The following ITGB3BP variants were observed in gnomAD, a reference collection of about 807,000 sequenced individuals.
The protein encoded by ITGB3BP is centromere protein R.
In ITGB3BP, 27 loss-of-function variants were observed where a neutral mutation model predicts 29.1. The ratio of observed to expected loss-of-function variants is 0.93; its 90% CI spans 0.68 to 1.28. ITGB3BP has a LOEUF of 1.28. Among genes scored for constraint, ITGB3BP ranks in the 50% most tolerant of loss-of-function variants. The probability of loss-of-function intolerance (pLI) is 0.00; values close to 1 mark genes in which losing one functional copy is unlikely to be tolerated. For synonymous variants in ITGB3BP, 61 were observed against 61.4 expected (o/e 0.99, Z 0.03); for missense variants, 192 against 200.2 (o/e 0.96, Z 0.25).
intron 1 of ITGB3BP, among the ~76,000 whole-genome samples, chr1:63,515,387 T>A (rs919299979): frequency 6.6e-6 from 1 of 152,190 alleles, no homozygotes; most frequent in African/African-American, 2.4e-5. Context: ...CAACACTTTA[T>A]GCCATGTCTA....
At chr1:63,525,608 C>G (rs746562030), upstream of ITGB3BP, 5 of 1,573,280 alleles carry the variant, frequency 3.2e-6, no homozygotes, top group South Asian at 4.8e-5. Context: ...CAACTTTCTC[C>G]AGTCAGAAAT....
intron 4 of ITGB3BP, among the ~76,000 whole-genome samples, chr1:63,475,889 T>C (rs942634317): frequency 1.3e-5 from 2 of 149,566 alleles, no homozygotes; most frequent in Non-Finnish European, 3.0e-5. Flanking sequence ...TCCCAGCTAC[T>C]AGGGAGGCTG....
chr1:63,467,911 A>G (rs1461300368), intron 4 of ITGB3BP, among the ~76,000 whole-genome samples: 1 of 152,210 alleles, frequency 6.6e-6, no homozygotes, highest in Non-Finnish European at 1.5e-5. Flanking sequence ...CTGAAGGTAA[A>G]CATATTTATC....
intron 4 of ITGB3BP, among the ~76,000 whole-genome samples, chr1:63,473,427 T>C (rs1362872543): frequency 2.3e-5 from 3 of 132,362 alleles, no homozygotes; most frequent in Admixed American, 7.2e-5. Flanking sequence ...TACTGGGAAG[T>C]GAGGAGCCCC....
intron 3 of ITGB3BP, among the ~76,000 whole-genome samples, chr1:63,480,027 G>T (rs985183425): frequency 6.6e-6 from 1 of 151,974 alleles, no homozygotes; most frequent in Non-Finnish European, 1.5e-5. Context: ...ATCTTTAAAT[G>T]CATATTTATT....
intron 2 of ITGB3BP, among the ~76,000 whole-genome samples, chr1:63,500,968 CA>C (rs375661421): frequency 2.3e-3 from 354 of 152,228 alleles, no homozygotes; most frequent in African/African-American, 8.2e-3. Flanking sequence ...TATAGATAGA[CA>C]AATGGAATTT....
At chr1:63,442,751 GAA>G (rs2100459426) in intron 8 of ITGB3BP, 1 of 152,268 alleles carries the variant, frequency 6.6e-6, no homozygotes, top group Admixed American at 6.5e-5. Flanking sequence ...CCAGAACTTA[GAA>G]GAGTCTGAAC....
intron 4 of ITGB3BP, among the ~76,000 whole-genome samples, chr1:63,467,929 A>G (rs1035989009): frequency 6.6e-6 from 1 of 152,174 alleles, no homozygotes; most frequent in Non-Finnish European, 1.5e-5. Flanking sequence ...ATCTTTTAAG[A>G]CAAAAAGGGG....
chr1:63,526,787 C>T (rs11807611), upstream of ITGB3BP, among the ~76,000 whole-genome samples: 3,261 of 150,742 alleles, frequency 0.022, 120 homozygotes, highest in African/African-American at 0.075. Context: ...TTTTTTGAGA[C>T]GGAGTCTTGC....
chr1:63,446,875 G>GT lies in ITGB3BP; in HGVS notation c.485-20dup, dbSNP rs769713133. 22,688 of 1,270,752 alleles carry GT rather than the reference G, an allele frequency of 0.018. No homozygotes were observed. The highest frequency in any genetic ancestry group is 0.02 in the Non-Finnish European group (18,835 of 922,254). 78.7% of individuals were successfully genotyped at this position (1,270,752 alleles called of 1,614,324 possible). A position where few individuals can be genotyped will look rare whatever the true frequency, so the allele number is the denominator to read the frequency against. ...CGTGATGCTATATGAAAGAAGAAAG[G>GT]TTTTTTTTTTCAGAAAACAATTCAA... On this transcript the variant is annotated intron_variant, in intron 7 of 8. Transcript: ENST00000271002.
intron 2 of ITGB3BP, among the ~76,000 whole-genome samples, chr1:63,498,514 A>G (rs1350167799): frequency 1.3e-5 from 2 of 152,076 alleles, no homozygotes; most frequent in Non-Finnish European, 2.9e-5. Context: ...ATTAAGAACA[A>G]AACGCAACAA....
chr1:63,447,747 C>G, intron 7 of ITGB3BP: 2 of 406,488 alleles, frequency 4.9e-6, no homozygotes, highest in Non-Finnish European at 9.9e-6. Flanking sequence ...TAAACTAGTT[C>G]AACCATTGTG....
intron 8 of ITGB3BP, among the ~76,000 whole-genome samples, chr1:63,445,769 A>AT (rs1203913666): frequency 2.0e-5 from 3 of 150,986 alleles, no homozygotes; most frequent in African/African-American, 7.3e-5. Flanking sequence ...TTATTTTTCT[A>AT]TTTTTTTGTA....
At chr1:63,506,562 A>G (rs963509012) in intron 2 of ITGB3BP, among the ~76,000 whole-genome samples, 6 of 152,182 alleles carry the variant, frequency 3.9e-5, no homozygotes, top group Non-Finnish European at 8.8e-5. Context: ...GGGTGAGGAC[A>G]CAGGAAACCA....
chr1:63,469,065 T>G (rs1168321879), intron 4 of ITGB3BP, among the ~76,000 whole-genome samples: 1 of 150,018 alleles, frequency 6.7e-6, no homozygotes, highest in Non-Finnish European at 1.5e-5. Flanking sequence ...AAAAAAAGTC[T>G]GCCCAACATA....
Position 63,469,016 on chromosome 1 carries a change from A to G in ITGB3BP, c.254+9748T>C, listed in dbSNP as rs1487949512. On this transcript the variant is annotated intron_variant, in intron 4 of 8. Coordinates refer to ENST00000271002, the MANE Select transcript of ITGB3BP (RefSeq NM_014288.5). ...CAGTGAACCAAGATTGTGCCAGTGC[A>G]ATCCAGCCTGGCAACAGAGTGAGAC... 2.0e-5 allele frequency among the ~76,000 whole-genome samples: 3 copies of G among 150,690 alleles called. No homozygotes were observed. The Admixed American group carries it at 2.0e-4, about 10-fold the overall frequency.
intron 4 of ITGB3BP, among the ~76,000 whole-genome samples, chr1:63,463,954 TA>T (rs1325229970): frequency 2.0e-5 from 3 of 151,848 alleles, no homozygotes; most frequent in South Asian, 2.1e-4. Flanking sequence ...CTTATCTGTA[TA>T]AAAAAATAAG....
intron 8 of ITGB3BP, among the ~76,000 whole-genome samples, chr1:63,444,467 G>GATATATATATCCT (rs1229522281): frequency 2.0e-4 from 2 of 10,024 alleles, no homozygotes; most frequent in Non-Finnish European, 2.9e-4. Context: ...TTACATATAG[G>GATATATATATCCT]ATATATATAT....
At chr1:63,452,064 C>T (rs1430008628) in intron 7 of ITGB3BP, 5 of 151,760 alleles carry the variant, frequency 3.3e-5, no homozygotes, top group African/African-American at 1.2e-4. Flanking sequence ...AGCCTTAATG[C>T]CTAAAATAAT....
Sources: gnomAD v4.1 joint callset for allele counts (sites outside exome capture counted in the v4.1 genomes callset) on GRCh38, gnomAD v4.1.1 for gene constraint, MANE v1.5 for transcripts, NCBI Gene and HGNC (gene_info 2026-07-23, HGNC 2026-07-21) for gene names.